MYH11: variants seen among roughly 807,000 people sequenced by gnomAD.
MYH11 encodes the protein myosin-11.
In MYH11, 80 loss-of-function variants were observed where a neutral mutation model predicts 246.6. The ratio of observed to expected loss-of-function variants is 0.32; its 90% CI spans 0.27 to 0.39. MYH11 has a LOEUF of 0.39. Ranked by LOEUF, MYH11 falls within the 10% of genes least tolerant of loss-of-function variation. The pLI is 1.00. For synonymous variants in MYH11, 1,071 were observed against 1,015.5 expected (o/e 1.05, Z -1.04); for missense variants, 2,158 against 2,546.8 (o/e 0.85, Z 3.29).
chr16:15,747,743 G>C lies in MYH11; in HGVS notation c.2251-13C>G, dbSNP rs557531793. The C allele has an allele frequency of 1.2e-6, 2 of 1,613,954 alleles. No homozygotes were observed. The highest frequency in any genetic ancestry group is 3.3e-5 in the Admixed American group (2 of 60,006). ...CCAGGGCTTTGATCTGCAAAAGGAA[G>C]GAAAGGAAGAGCTCCTGATTTCCAC... On this transcript the variant is annotated splice_polypyrimidine_tract_variant and intron_variant, in intron 18 of 40. Transcript: ENST00000300036.
intron 20 of MYH11, among the ~76,000 whole-genome samples, chr16:15,742,627 G>A (rs956882914): frequency 4.0e-5 from 6 of 151,874 alleles, no homozygotes; most frequent in Non-Finnish European, 8.8e-5. Context: ...GCTAGTGAGG[G>A]GTCTGAGGCA....
Position 15,738,650 on chromosome 16 carries a change from C to T in MYH11, c.3036G>A (p.Thr1012=), listed in dbSNP as rs1409053471. ...TTTCTTCCTCTTCTGCAAGATTTGT[C>T]GTTAAGTCACTAATCCTCTCCTCAA... is the stretch of plus-strand genomic sequence containing the variant. ...KLLEERISDL[T]TNLAEEEEKA... Residue 1012 remains threonine (T), a synonymous_variant, in exon 24 of 41, where the codon ACG becomes ACA. Coordinates refer to ENST00000300036, the MANE Select transcript of MYH11 (RefSeq NM_002474.3). 5.6e-6 allele frequency: 9 copies of T among 1,613,778 alleles called. No homozygotes were observed. The highest frequency in any genetic ancestry group is 1.7e-5 in the Admixed American group (1 of 59,990).
intron 4 of MYH11, among the ~76,000 whole-genome samples, chr16:15,790,473 G>T (rs1238513114): frequency 6.6e-6 from 1 of 152,148 alleles, no homozygotes; most frequent in African/African-American, 2.4e-5. Context: ...CTGTTTCCAA[G>T]TTCTGTTGAG....
At position 15,838,034 on chromosome 16, in the gene MYH11, T is replaced by C; in HGVS notation, c.219A>G (p.Lys73=). 1 of 1,614,146 alleles carries C rather than the reference T, an allele frequency of 6.2e-7. No homozygotes were observed. Among genetic ancestry groups the C allele is most frequent in the Non-Finnish European group, 8.5e-7 (1 of 1,180,036 alleles). Residue 73 remains lysine (K), a synonymous_variant, in exon 2 of 41, where the codon AAA becomes AAG. Coordinates refer to ENST00000300036, the MANE Select transcript of MYH11 (RefSeq NM_002474.3). The part of the protein sequence containing the change: ...VENGKKVTVG[K]DDIQKMNPPK... Reference sequence around the variant, plus strand: ...GTGGGTTCATCTTCTGGATGTCATCTTTCCCAACCGTGACCTTCTTGCCAT... The same window carrying C: ...GTGGGTTCATCTTCTGGATGTCATCCTTCCCAACCGTGACCTTCTTGCCAT...
chr16:15,708,867 G>A lies in MYH11; in HGVS notation c.5787-4744C>T, dbSNP rs1372007519. ...CTGAAACAGAGAGAGAATCCCCGGA[G>A]GTTACCATCAGCAAACAAGAAGGAG... On this transcript the variant is annotated intron_variant, in intron 40 of 40. Transcript: ENST00000300036. 1.9e-5 allele frequency: 30 copies of A among 1,607,000 alleles called. No homozygotes were observed. The Admixed American group carries it at 5.1e-4, about 27-fold the overall frequency.
intron 3 of MYH11, among the ~76,000 whole-genome samples, chr16:15,814,553 C>CAAAAAAAAAAAAAAAAAA (rs58806731): frequency 3.1e-4 from 7 of 22,824 alleles, no homozygotes; most frequent in Non-Finnish European, 5.8e-4. Context: ...AACTCCATCT[C>CAAAAAAAAAAAAAAAAAA]AAAAAAAAAA....
intron 37 of MYH11, chr16:15,717,794 CA>C (rs200605550): frequency 1.4e-4 from 36 of 254,110 alleles, no homozygotes; most frequent in South Asian, 2.6e-4. Flanking sequence ...ACCCTGTCTC[CA>C]AAAAAAAGAG....
At chr16:15,775,774 T>A in intron 8 of MYH11, 1 of 430,102 alleles carries the variant, frequency 2.3e-6, no homozygotes, top group South Asian at 3.4e-5. Flanking sequence ...CTTGAAGGCG[T>A]AGATTGTGTC....
intron 14 of MYH11, among the ~76,000 whole-genome samples, chr16:15,754,082 T>G (rs62029316): frequency 0.067 from 9,892 of 148,364 alleles, 355 homozygotes; most frequent in East Asian, 0.18. Flanking sequence ...CCAGGCATGG[T>G]GGTGCACACC....
In MYH11 at chr16:15,714,894, C is replaced by T. The variant is rs777097501; in HGVS notation, c.5786+15G>A. 4 of 1,612,826 alleles carry T rather than the reference C, an allele frequency of 2.5e-6. No individual in the cohort carries two copies. Among genetic ancestry groups the T allele is most frequent in the Admixed American group, 1.7e-5 (1 of 60,012 alleles). Reference sequence around the variant, plus strand: ...GCCTGAGAGACGGGGTCCTCCCGGGCCACGGGCTCCTCACCTGAGCTTGCT... The same window carrying T: ...GCCTGAGAGACGGGGTCCTCCCGGGTCACGGGCTCCTCACCTGAGCTTGCT... On this transcript the variant is annotated intron_variant, in intron 40 of 40. Coordinates refer to ENST00000300036, the MANE Select transcript of MYH11 (RefSeq NM_002474.3).
chr16:15,714,742 T>G (rs189512774), intron 40 of MYH11, 167 bp downstream of exon 40: 5 of 878,574 alleles, frequency 5.7e-6, no homozygotes, highest in Non-Finnish European at 9.0e-6. Flanking sequence ...CTGATCTCAG[T>G]GCCTGGCCCA....
intron 3 of MYH11, among the ~76,000 whole-genome samples, chr16:15,817,495 G>A (rs547198980): frequency 1.4e-4 from 21 of 151,760 alleles, no homozygotes; most frequent in Non-Finnish European, 2.8e-4. Context: ...TGGGTGGCAG[G>A]GCGAGACTCT....
chr16:15,719,501 TCTGGGAATGCACAGAC>T (rs1831319878), intron 35 of MYH11, 68 bp downstream of exon 35: 1 of 1,600,504 alleles, frequency 6.2e-7, no homozygotes, highest in East Asian at 2.2e-5. Context: ...CGAAATGAAA[TCTGGGAATGCACAGAC>T]TGGAGCTGCC....
chr16:15,798,632 A>C (rs766077597), intron 4 of MYH11, 28 bp downstream of exon 4: 3 of 1,575,596 alleles, frequency 1.9e-6, no homozygotes, highest in Non-Finnish European at 2.6e-6. Context: ...AACAAAAAAA[A>C]AACAGAAGAA....
At chr16:15,840,317 G>A (rs1207158298) in intron 1 of MYH11, among the ~76,000 whole-genome samples, 1 of 152,172 alleles carries the variant, frequency 6.6e-6, no homozygotes, top group Non-Finnish European at 1.5e-5. Context: ...CCAACACAAA[G>A]AGATGATAAA....
intron 3 of MYH11, among the ~76,000 whole-genome samples, chr16:15,808,707 G>A (rs762715350): frequency 1.1e-4 from 17 of 151,944 alleles, no homozygotes; most frequent in Non-Finnish European, 2.2e-4. Flanking sequence ...GACTCAAAGC[G>A]AGACCCCTAT....
Position 15,756,383 on chromosome 16 carries a change from G to C in MYH11, c.1707C>G (p.Leu569=). 1 of 1,614,154 alleles carries C rather than the reference G, an allele frequency of 6.2e-7. No homozygotes were observed. Among genetic ancestry groups the C allele is most frequent in the South Asian group, 1.1e-5 (1 of 91,086 alleles). ...TGATGGAGAACTCAGTCTTGTCCTT[G>C]AGCTGCTTGGGCTTCTGGAACTTGG... ...SHPKFQKPKQ[L]KDKTEFSIIH... The change falls in exon 14 of 41, where the codon CTC becomes CTG. Residue 569 remains leucine (L), a synonymous_variant. Transcript: ENST00000300036.
chr16:15,847,407 T>C (rs901985565), intron 1 of MYH11, among the ~76,000 whole-genome samples: 3 of 152,120 alleles, frequency 2.0e-5, no homozygotes, highest in Admixed American at 6.6e-5. Context: ...CCTGCCACCA[T>C]GCCCAGCTAT....
intron 37 of MYH11, 59 bp from the exon 38 acceptor site, chr16:15,717,407 A>G (rs2040220045): frequency 7.0e-6 from 11 of 1,566,488 alleles, no homozygotes; most frequent in East Asian, 4.5e-5. Flanking sequence ...GAGCGCACTG[A>G]GACCATGCCT....
Sources: allele counts gnomAD v4.1 joint callset (sites outside exome capture counted in the v4.1 genomes callset), GRCh38; gene constraint gnomAD v4.1.1; transcripts MANE v1.5; gene names NCBI Gene and HGNC (gene_info 2026-07-23, HGNC 2026-07-21).